The following SPAG9 variants were observed in gnomAD, a reference collection of about 807,000 sequenced individuals.
The protein encoded by SPAG9 is C-Jun-amino-terminal kinase-interacting protein 4.
Under a neutral mutation model 166.5 loss-of-function variants are expected in SPAG9, and 35 were observed. The ratio of observed to expected loss-of-function variants is 0.21; its 90% CI spans 0.16 to 0.28. SPAG9 has a LOEUF of 0.28. Ranked by LOEUF, SPAG9 falls within the 10% of genes least tolerant of loss-of-function variation. The probability of loss-of-function intolerance (pLI) is 1.00; values close to 1 mark genes in which losing one functional copy is unlikely to be tolerated. For synonymous variants in SPAG9, 534 were observed against 565.5 expected (o/e 0.94, Z 0.79); for missense variants, 1,235 against 1,603.3 (o/e 0.77, Z 3.92).
In SPAG9 at chr17:50,999,686, T is replaced by C; in HGVS notation, c.1639A>G (p.Lys547Glu). The C allele has an allele frequency of 6.2e-7, 1 of 1,613,810 alleles. No individual in the cohort carries two copies. The highest frequency in any genetic ancestry group is 8.5e-7 in the Non-Finnish European group (1 of 1,179,842). The change falls in exon 14 of 30, where the codon AAA (lysine) becomes GAA (glutamate). Residue 547 changes from lysine (K) to glutamate (E), a missense_variant. By Grantham distance (56) the Lys-to-Glu change is moderately conservative. Transcript: ENST00000262013. ...ASRENPAMQEKKRSSIWQFFS... is the reference protein window; with the variant it reads ...ASRENPAMQEEKRSSIWQFFS... ...AACTGCCAAATGCTTGACCTTTTTT[T>C]TTCCTGCATGGCTGGATTTTCTCGT...
rs1422939135 is a variant in SPAG9, at chr17:51,045,060, T to A, written c.590+2315A>T. 3.3e-5 allele frequency among the ~76,000 whole-genome samples: 5 copies of A among 152,320 alleles called. No individual in the cohort carries two copies. The East Asian group carries it at 9.6e-4, about 29-fold the overall frequency. The stretch of plus-strand genomic sequence containing the variant: ...CAAAATAATAAAATCACTTGATTTT[T>A]AAAACCACCCAACGGGGTAAGTCCC... On this transcript the variant is annotated intron_variant, in intron 4 of 29. Coordinates refer to ENST00000262013, the MANE Select transcript of SPAG9 (RefSeq NM_001130528.3).
chr17:51,084,078 T>A (rs575433385), intron 1 of SPAG9: 6 of 152,052 alleles, frequency 3.9e-5, no homozygotes, highest in Non-Finnish European at 8.8e-5. Flanking sequence ...AACTAATAAA[T>A]CATTCATTCA....
At chr17:51,052,736 A>G (rs533314788) in intron 3 of SPAG9, among the ~76,000 whole-genome samples, 4 of 152,212 alleles carry the variant, frequency 2.6e-5, no homozygotes, top group Non-Finnish European at 4.4e-5. Context: ...AAAATATGAA[A>G]TTTCACTTTA....
intron 16 of SPAG9, 31 bp from the exon 17 acceptor site, chr17:50,995,564 G>C (rs1379032239): frequency 3.0e-6 from 4 of 1,337,512 alleles, no homozygotes; most frequent in South Asian, 2.4e-5. Context: ...AGTGAAAAAG[G>C]CACATTAGTA....
chr17:51,076,735 TAAA>T (rs137873530), intron 2 of SPAG9, among the ~76,000 whole-genome samples: 23 of 145,270 alleles, frequency 1.6e-4, no homozygotes, highest in African/African-American at 5.3e-4. Context: ...GACTCCGTCT[TAAA>T]AAAAAAAAAG....
At chr17:51,025,452 AGACT>A (rs960429031) in intron 6 of SPAG9, among the ~76,000 whole-genome samples, 3 of 149,246 alleles carry the variant, frequency 2.0e-5, no homozygotes, top group Admixed American at 1.4e-4. Flanking sequence ...TGAGTCAAAA[AGACT>A]GACAGTATTA....
At chr17:51,038,379 A>G (rs1322546739) in intron 5 of SPAG9, among the ~76,000 whole-genome samples, 2 of 152,236 alleles carry the variant, frequency 1.3e-5, no homozygotes, top group Non-Finnish European at 2.9e-5. Context: ...GGAATGGTGA[A>G]GAAAATCAGT....
chr17:50,993,987 T>C, intron 18 of SPAG9, 52 bp from the exon 19 acceptor site: 2 of 1,485,522 alleles, frequency 1.3e-6, no homozygotes, highest in Non-Finnish European at 1.9e-6. Context: ...TGTACAAATA[T>C]TCATAAGGTG....
chr17:51,093,694 CAAAAAAAAAAAAAAAA>C (rs57010523), intron 1 of SPAG9, among the ~76,000 whole-genome samples: 1 of 72,558 alleles, frequency 1.4e-5, no homozygotes, highest in Admixed American at 1.9e-4. Flanking sequence ...GACTCCGTCT[CAAAAAAAAAAAAAAAA>C]AAAAAGAAAA....
At position 51,120,212 on chromosome 17, in the gene SPAG9, C is replaced by T. The variant is rs140703417; in HGVS notation, c.303+142G>A. ...GGCTCCCGGGGTACCTGGAGGCCGC[C>T]GGGATCGGTCCCAGGGGGCATCGGC... On this transcript the variant is annotated intron_variant, in intron 1 of 29. Coordinates refer to ENST00000262013, the MANE Select transcript of SPAG9 (RefSeq NM_001130528.3). The surrounding 1 kb of genome is among the most constrained non-coding windows in gnomAD (Gnocchi z 4.7). 1.8e-4 allele frequency: 116 copies of T among 648,532 alleles called. No homozygotes were observed. In the East Asian group the frequency reaches 4.0e-3, roughly 23 times the overall value. The allele number at this position is 648,532 out of a possible 1,614,324, so 40.2% of individuals were successfully genotyped here. A position where few individuals can be genotyped will look rare whatever the true frequency, so the allele number is the denominator to read the frequency against.
At chr17:51,028,606 T>C (rs150205058) in intron 6 of SPAG9, among the ~76,000 whole-genome samples, 1 of 152,254 alleles carries the variant, frequency 6.6e-6, no homozygotes, top group Non-Finnish European at 1.5e-5. Flanking sequence ...AGCTATACTG[T>C]CTAGGTTTGG....
intron 6 of SPAG9, among the ~76,000 whole-genome samples, chr17:51,022,461 TG>T (rs1220316518): frequency 1.3e-5 from 2 of 152,138 alleles, no homozygotes. Context: ...TTGTGTACAA[TG>T]TATTTCTCTG....
intron 2 of SPAG9, among the ~76,000 whole-genome samples, chr17:51,069,229 A>G (rs943913473): frequency 1.3e-5 from 2 of 152,044 alleles, no homozygotes; most frequent in African/African-American, 2.4e-5. Context: ...ATATATATAA[A>G]TCTTCGTAAT....
intron 28 of SPAG9, among the ~76,000 whole-genome samples, chr17:50,971,415 T>C (rs1016002604): frequency 1.3e-5 from 2 of 148,222 alleles, no homozygotes; most frequent in South Asian, 2.2e-4. Flanking sequence ...CAATATGAGA[T>C]ATATGCATGG....
chr17:51,024,171 A>C (rs956090501), intron 6 of SPAG9, among the ~76,000 whole-genome samples: 1 of 151,902 alleles, frequency 6.6e-6, no homozygotes, highest in Non-Finnish European at 1.5e-5. Context: ...AGGTGCCTGT[A>C]ATTCCAGCTA....
At chr17:51,089,432 C>CA (rs1001638797) in intron 1 of SPAG9, among the ~76,000 whole-genome samples, 2 of 150,010 alleles carry the variant, frequency 1.3e-5, no homozygotes, top group Non-Finnish European at 3.0e-5. Context: ...CTCAAAAAAA[C>CA]AAAAAAACAA....
At chr17:51,018,845 T>C (rs1425917970) in intron 8 of SPAG9, among the ~76,000 whole-genome samples, 1 of 152,212 alleles carries the variant, frequency 6.6e-6, no homozygotes, top group Non-Finnish European at 1.5e-5. Context: ...CCCTGCCATG[T>C]CCACTCTGTT....
chr17:51,091,394 C>T (rs1024626120), intron 1 of SPAG9, among the ~76,000 whole-genome samples: 5 of 152,072 alleles, frequency 3.3e-5, no homozygotes, highest in South Asian at 2.1e-4. Context: ...CCCTCTACTA[C>T]GCTTGGCAAA....
In SPAG9 at chr17:50,979,706, CCT is replaced by C. The variant is rs1466516748; in HGVS notation, c.3409+38_3409+39del. ...CACATAGATAGATAAAATAAAACAC[CCT>C]CTTTGACTGGTAAAGATAAAACGCG... On this transcript the variant is annotated intron_variant, in intron 26 of 29. Transcript: ENST00000262013. 6 of 1,574,656 alleles carry C rather than the reference CCT, an allele frequency of 3.8e-6. No individual in the cohort carries two copies. In the Admixed American group the frequency reaches 6.8e-5, roughly 18 times the overall value.
Sources: allele counts gnomAD v4.1 joint callset (sites outside exome capture counted in the v4.1 genomes callset), GRCh38; gene constraint gnomAD v4.1.1; non-coding constraint Gnocchi (gnomAD v3.1); transcripts MANE v1.5; gene names NCBI Gene and HGNC (gene_info 2026-07-23, HGNC 2026-07-21).